AKR1C8: variants seen among roughly 807,000 people sequenced by gnomAD.
The protein encoded by AKR1C8 is aldo-keto reductase family 1 member C-like protein 1.
the AKR1C8 span, among the ~76,000 whole-genome samples, chr10:5,180,112 CT>C: frequency 1.3e-5 from 2 of 152,128 alleles, no homozygotes; most frequent in African/African-American, 4.8e-5. Flanking sequence ...GTTTTATCTA[CT>C]TTTGGTCTTT....
chr10:5,166,697 C>A, the AKR1C8 span, among the ~76,000 whole-genome samples: 97 of 152,162 alleles, frequency 6.4e-4, no homozygotes, highest in Middle Eastern at 3.4e-3. Flanking sequence ...AGAAGAAAAC[C>A]TAGGCAATAA....
the AKR1C8 span, chr10:5,132,611 G>T: frequency 6.3e-7 from 1 of 1,578,004 alleles, no homozygotes; most frequent in Non-Finnish European, 8.7e-7. Flanking sequence ...CCTTTGAAGT[G>T]TAGAATATGT....
chr10:5,120,008 C>T, the AKR1C8 span, among the ~76,000 whole-genome samples: 8 of 152,134 alleles, frequency 5.3e-5, no homozygotes, highest in African/African-American at 1.9e-4. Context: ...CTCTGCAGCA[C>T]TGTGACATGC....
At chr10:5,146,627 A>G in the AKR1C8 span, among the ~76,000 whole-genome samples, 3 of 152,176 alleles carry the variant, frequency 2.0e-5, no homozygotes, top group Admixed American at 6.5e-5. Flanking sequence ...GTGACTCTAT[A>G]TATGATACTT....
the AKR1C8 span, among the ~76,000 whole-genome samples, chr10:5,156,525 G>GATCTATCTATCTATCTATCT: frequency 0.19 from 26,357 of 140,932 alleles, 2,669 homozygotes; most frequent in Non-Finnish European, 0.24. Flanking sequence ...GAAAGACTCA[G>GATCTATCTATCTATCTATCT]ATCTATCTAT....
the AKR1C8 span, chr10:5,158,538 T>C: frequency 0.013 from 5,606 of 415,852 alleles, 306 homozygotes; most frequent in African/African-American, 0.11. Context: ...TTCGCTTTAA[T>C]AGGAGTTTTT....
At chr10:5,123,918 G>A in the AKR1C8 span, 2 of 1,251,846 alleles carry the variant, frequency 1.6e-6, no homozygotes, top group Non-Finnish European at 1.1e-6. Context: ...GAATAAATAT[G>A]TGTAGCATCA....
chr10:5,183,348 T>C, the AKR1C8 span, among the ~76,000 whole-genome samples: 1 of 152,152 alleles, frequency 6.6e-6, no homozygotes, highest in Non-Finnish European at 1.5e-5. Context: ...CCAAGCTCCA[T>C]ACACCGAAAT....
chr10:5,145,390 A>T, the AKR1C8 span, among the ~76,000 whole-genome samples: 1 of 152,158 alleles, frequency 6.6e-6, no homozygotes, highest in Non-Finnish European at 1.5e-5. Flanking sequence ...AAAAGAAACT[A>T]CCATCAGAGT....
the AKR1C8 span, among the ~76,000 whole-genome samples, chr10:5,138,552 A>G: frequency 1.3e-5 from 2 of 152,184 alleles, no homozygotes; most frequent in Non-Finnish European, 2.9e-5. Context: ...TACACTTAAC[A>G]GAATTATCAC....
chr10:5,164,844 C>G, the AKR1C8 span, among the ~76,000 whole-genome samples: 1 of 152,208 alleles, frequency 6.6e-6, no homozygotes, highest in Non-Finnish European at 1.5e-5. Context: ...CAGTTCCCAA[C>G]AGCCTGTCAG....
the AKR1C8 span, among the ~76,000 whole-genome samples, chr10:5,151,492 T>A: frequency 6.6e-6 from 1 of 151,784 alleles, no homozygotes; most frequent in Non-Finnish European, 1.5e-5. Flanking sequence ...TTTGTTTCCT[T>A]CTCTTTCACT....
the AKR1C8 span, among the ~76,000 whole-genome samples, chr10:5,117,122 G>A: frequency 1.7e-5 from 2 of 120,958 alleles, no homozygotes; most frequent in East Asian, 4.0e-4. Context: ...ATGAGCACTG[G>A]CAGTGAGCTT....
chr10:5,144,307 T>C, the AKR1C8 span, among the ~76,000 whole-genome samples: 4 of 152,208 alleles, frequency 2.6e-5, no homozygotes, highest in Non-Finnish European at 5.9e-5. Context: ...TCAGGTAGCG[T>C]GATGCCTCCA....
the AKR1C8 span, among the ~76,000 whole-genome samples, chr10:5,139,312 T>A: frequency 6.6e-6 from 1 of 152,124 alleles, no homozygotes; most frequent in Non-Finnish European, 1.5e-5. Context: ...TTAAAGTTCA[T>A]ATGGAACCAA....
chr10:5,177,319 G>A, the AKR1C8 span, among the ~76,000 whole-genome samples: 2 of 151,966 alleles, frequency 1.3e-5, no homozygotes, highest in African/African-American at 4.8e-5. Flanking sequence ...TGCATCCCAG[G>A]GATGAAGCCC....
chr10:5,123,440 C>T, the AKR1C8 span: 1 of 435,914 alleles, frequency 2.3e-6, no homozygotes, highest in South Asian at 4.1e-5. Context: ...CTGGTCCACC[C>T]TGGAAGGAAA....
At chr10:5,120,030 A>G in the AKR1C8 span, among the ~76,000 whole-genome samples, 115 of 152,274 alleles carry the variant, frequency 7.6e-4, no homozygotes, top group Non-Finnish European at 1.1e-3. Context: ...CATGATGGCT[A>G]TGACACCCAC....
At chr10:5,162,738 G>A in the AKR1C8 span, 1 of 373,538 alleles carries the variant, frequency 2.7e-6, no homozygotes, top group South Asian at 2.4e-5. Flanking sequence ...TCTATAATAT[G>A]CCTTCATAAT....
Sources: allele counts gnomAD v4.1 joint callset (sites outside exome capture counted in the v4.1 genomes callset), GRCh38; gene constraint gnomAD v4.1.1; transcripts MANE v1.5; gene names NCBI Gene and HGNC (gene_info 2026-07-23, HGNC 2026-07-21).